FAM241A: variants seen among roughly 807,000 people sequenced by gnomAD.
FAM241A encodes the protein family with sequence similarity 241 member A, also known as uncharacterized protein FAM241A.
FAM241A carries 7 observed loss-of-function variants against 12.2 expected under a neutral mutation model. The ratio of observed to expected loss-of-function variants is 0.58; its 90% CI spans 0.33 to 1.08. The LOEUF (loss-of-function observed/expected upper bound fraction) is 1.08, where lower values mean the gene tolerates loss of function less well. FAM241A is among the 50% of genes least tolerant of loss of function. The pLI is 0.04. For missense variants in FAM241A, 161 were observed against 169.7 expected, an observed-to-expected ratio of 0.95 and a Z score of 0.29; for synonymous variants, 74 against 68.2, an observed-to-expected ratio of 1.08 and a Z score of -0.42.
intron 1 of FAM241A, among the ~76,000 whole-genome samples, chr4:112,161,380 T>C (rs1416583675): frequency 1.3e-5 from 2 of 152,102 alleles, no homozygotes; most frequent in African/African-American, 4.8e-5. Flanking sequence ...GAGCTGGTTT[T>C]TTGAAAAGAT....
At chr4:112,146,283 G>A (rs1443143142) in intron 1 of FAM241A, among the ~76,000 whole-genome samples, 1 of 152,124 alleles carries the variant, frequency 6.6e-6, no homozygotes, top group Non-Finnish European at 1.5e-5. Context: ...CTCTCCCAGA[G>A]CACGTTCTTC....
intron 1 of FAM241A, among the ~76,000 whole-genome samples, chr4:112,150,167 T>C (rs907287027): frequency 4.6e-5 from 7 of 152,076 alleles, no homozygotes; most frequent in African/African-American, 1.4e-4. Context: ...ATGGAGCTGA[T>C]CTTTTTTTGT....
In FAM241A at chr4:112,187,848, A is replaced by G. The variant is rs556001513; in HGVS notation, c.*910A>G. ...TTGAAACAATGTATTTCCTATCTTG[A>G]CATGGATTTTTTCACAAAAAATTTG... On this transcript the variant is annotated 3_prime_UTR_variant, in exon 2 of 2. Transcript: ENST00000309733. 2.0e-5 allele frequency: 3 copies of G among 152,380 alleles called. No individual in the cohort carries two copies. In the East Asian group the frequency reaches 5.8e-4, roughly 29 times the overall value. The allele number at this position is 152,380 out of a possible 1,614,324, so 9.4% of individuals were successfully genotyped here.
rs567097578 is a variant in FAM241A, at chr4:112,187,797, T to G, written c.*859T>G. On this transcript the variant is annotated 3_prime_UTR_variant, in exon 2 of 2. Coordinates refer to ENST00000309733, the MANE Select transcript of FAM241A (RefSeq NM_152400.3). ...TTTTTAGAAATTTATAATTTTATAGTTCTTTCATAACACTTATTCTGAGTT... is the reference window on the plus strand; with the variant it reads ...TTTTTAGAAATTTATAATTTTATAGGTCTTTCATAACACTTATTCTGAGTT... 6 of 152,614 alleles carry G rather than the reference T, an allele frequency of 3.9e-5. No homozygotes were observed. Among genetic ancestry groups the G allele is most frequent in the Non-Finnish European group, 7.4e-5 (5 of 67,962 alleles). 9.5% of individuals were successfully genotyped at this position (152,614 alleles called of 1,614,324 possible). A position where few individuals can be genotyped will look rare whatever the true frequency, so the allele number is the denominator to read the frequency against.
chr4:112,158,409 A>T (rs1723395135), intron 1 of FAM241A, among the ~76,000 whole-genome samples: 1 of 152,108 alleles, frequency 6.6e-6, no homozygotes, highest in East Asian at 1.9e-4. Context: ...TCTGGCTAGC[A>T]TATACTTTCT....
At chr4:112,160,925 C>T (rs1212897231) in intron 1 of FAM241A, among the ~76,000 whole-genome samples, 1 of 152,188 alleles carries the variant, frequency 6.6e-6, no homozygotes, top group Non-Finnish European at 1.5e-5. Context: ...GAATTAAAGA[C>T]TGAAATTTAA....
intron 1 of FAM241A, among the ~76,000 whole-genome samples, chr4:112,148,754 G>A (rs1468777346): frequency 6.6e-6 from 1 of 152,222 alleles, no homozygotes; most frequent in African/African-American, 2.4e-5. Flanking sequence ...GTATGTTCAT[G>A]AGGGTGAATG....
At chr4:112,162,217 A>G (rs1003231816) in intron 1 of FAM241A, among the ~76,000 whole-genome samples, 1 of 152,230 alleles carries the variant, frequency 6.6e-6, no homozygotes, top group Non-Finnish European at 1.5e-5. Flanking sequence ...TGAATGGACA[A>G]AAACTGGAAG....
rs747936613 is a variant in FAM241A, at chr4:112,186,728, G to A, written c.189G>A (p.Pro63=). The A allele has an allele frequency of 6.9e-5, 112 of 1,612,994 alleles. 1 individual carries two copies. The Admixed American group carries it at 1.5e-3, about 21-fold the overall frequency. ...VEDSQNHTGE[P]VGDDYKKMGT... ...ACTCACAGAACCACACTGGTGAGCC[G>A]GTTGGAGATGACTACAAGAAAATGG... is the stretch of plus-strand genomic sequence containing the variant. Residue 63 remains proline (P), a synonymous_variant, in exon 2 of 2, where the codon CCG becomes CCA. Transcript: ENST00000309733.
chr4:112,176,022 C>T (rs771799351), intron 1 of FAM241A, among the ~76,000 whole-genome samples: 5 of 152,248 alleles, frequency 3.3e-5, no homozygotes, highest in African/African-American at 7.2e-5. Flanking sequence ...AATCTTAAAT[C>T]GTCAACTCAC....
chr4:112,172,431 A>G (rs1723741980), intron 1 of FAM241A, among the ~76,000 whole-genome samples: 1 of 152,226 alleles, frequency 6.6e-6, no homozygotes, highest in African/African-American at 2.4e-5. Flanking sequence ...TATCAGTGCT[A>G]TAACCAGCTA....
intron 1 of FAM241A, among the ~76,000 whole-genome samples, chr4:112,175,437 A>G (rs1384674444): frequency 6.6e-6 from 1 of 152,142 alleles, no homozygotes; most frequent in African/African-American, 2.4e-5. Context: ...TAGAGCTTTC[A>G]TTGGCCTGTC....
At chr4:112,174,827 G>C (rs1199273564) in intron 1 of FAM241A, among the ~76,000 whole-genome samples, 1 of 152,142 alleles carries the variant, frequency 6.6e-6, no homozygotes, top group Non-Finnish European at 1.5e-5. Context: ...TGGCACAAGG[G>C]GCTTAAATTC....
At chr4:112,155,551 AT>A (rs1723336415) in intron 1 of FAM241A, among the ~76,000 whole-genome samples, 1 of 151,676 alleles carries the variant, frequency 6.6e-6, no homozygotes, top group Non-Finnish European at 1.5e-5. Flanking sequence ...ATATAATGCT[AT>A]TATTAGATGA....
rs1723115581 is a variant in FAM241A, at chr4:112,145,559, G to A, written c.-22G>A. 4 of 1,244,934 alleles carry A rather than the reference G, an allele frequency of 3.2e-6. No homozygotes were observed. Among genetic ancestry groups the A allele is most frequent in the Admixed American group, 7.4e-5 (2 of 27,010 alleles). The allele number at this position is 1,244,934 out of a possible 1,614,324, so 77.1% of individuals were successfully genotyped here. A position where few individuals can be genotyped will look rare whatever the true frequency, so the allele number is the denominator to read the frequency against. ...GCGTGGTCCTCCGGCGGCTGTCCGG[G>A]GCGGTAGGAGTTGGCTGCGGGATGT... On this transcript the variant is annotated 5_prime_UTR_variant, in exon 1 of 2. Coordinates refer to ENST00000309733, the MANE Select transcript of FAM241A (RefSeq NM_152400.3).
intron 1 of FAM241A, among the ~76,000 whole-genome samples, chr4:112,160,892 A>G (rs1416872129): frequency 6.6e-6 from 1 of 151,784 alleles, no homozygotes; most frequent in African/African-American, 2.4e-5. Flanking sequence ...ATCTCTCGCC[A>G]TATACAAAAA....
At chr4:112,183,476 C>G (rs1578380054) in intron 1 of FAM241A, among the ~76,000 whole-genome samples, 1 of 152,116 alleles carries the variant, frequency 6.6e-6, no homozygotes, top group East Asian at 1.9e-4. Context: ...GCAACACCTC[C>G]TTCTTCCCCT....
rs541683936 is a variant in FAM241A at position 112,189,229 on chromosome 4, C to T, written c.*2291C>T. Reference sequence around the variant, plus strand: ...TGAAACCCCATCCCTACTAAAGGTACAAAAAATTAGCCGGGCCTGGTGGCA... The same window carrying T: ...TGAAACCCCATCCCTACTAAAGGTATAAAAAATTAGCCGGGCCTGGTGGCA... On this transcript the variant is annotated 3_prime_UTR_variant, in exon 2 of 2. Coordinates refer to ENST00000309733, the MANE Select transcript of FAM241A (RefSeq NM_152400.3). The T allele has an allele frequency of 2.0e-5, 3 of 151,636 alleles. No individual in the cohort carries two copies. In the South Asian group the frequency reaches 6.3e-4, roughly 32 times the overall value. 9.4% of individuals were successfully genotyped at this position (151,636 alleles called of 1,614,324 possible).
chr4:112,163,008 A>C (rs1047420601), intron 1 of FAM241A, among the ~76,000 whole-genome samples: 1 of 152,174 alleles, frequency 6.6e-6, no homozygotes, highest in African/African-American at 2.4e-5. Flanking sequence ...AATACCACAC[A>C]TCTACAACCA....
Sources: gnomAD v4.1 joint callset for allele counts (sites outside exome capture counted in the v4.1 genomes callset) on GRCh38, gnomAD v4.1.1 for gene constraint, MANE v1.5 for transcripts, NCBI Gene and HGNC (gene_info 2026-07-23, HGNC 2026-07-21) for gene names.